The following ACSM5 variants were observed in gnomAD, a reference collection of about 807,000 sequenced individuals.
ACSM5 encodes acyl-coenzyme A synthetase ACSM5, mitochondrial.
A neutral mutation model predicts 71.6 loss-of-function variants in ACSM5; 56 were observed. That is an observed-to-expected ratio of 0.78 (90% CI 0.63 to 0.98). ACSM5 has a LOEUF of 0.98. Ranked by LOEUF, ACSM5 falls within the 50% of genes least tolerant of loss-of-function variation. The probability of loss-of-function intolerance (pLI) is 0.00; values close to 1 mark genes in which losing one functional copy is unlikely to be tolerated. For synonymous variants in ACSM5, 285 were observed against 281.5 expected (o/e 1.01, Z -0.12); for missense variants, 723 against 726.0 (o/e 1.00, Z 0.05).
intron 10 of ACSM5, among the ~76,000 whole-genome samples, chr16:20,436,262 C>T (rs376963302): frequency 3.4e-5 from 5 of 145,506 alleles, no homozygotes; most frequent in Non-Finnish European, 4.6e-5. Flanking sequence ...CCTCCCCTCC[C>T]GTCCCCTCCC....
At position 20,418,224 on chromosome 16, in the gene ACSM5, C is replaced by A. The variant is rs144548629; in HGVS notation, c.370C>A (p.Arg124=). The change falls in exon 3 of 14, where the codon CGG becomes AGG. Residue 124 remains arginine (R), a synonymous_variant. Transcript: ENST00000331849. ...GGACAGAATGATGCTGGTACTCCCA[C>A]GGCTCCCGGAGTGGTGGCTGGTCAG... ...PGDRMMLVLP[R]LPEWWLVSVA... The A allele has an allele frequency of 3.1e-6, 5 of 1,612,332 alleles. No individual in the cohort carries two copies. Among genetic ancestry groups the A allele is most frequent in the South Asian group, 2.2e-5 (2 of 90,984 alleles).
At chr16:20,432,665 T>C (rs961517811) in intron 10 of ACSM5, among the ~76,000 whole-genome samples, 2 of 152,092 alleles carry the variant, frequency 1.3e-5, no homozygotes, top group Non-Finnish European at 2.9e-5. Flanking sequence ...AGGACTCTGG[T>C]ACTTAGTGTG....
rs1286195722 is a variant in ACSM5, at chr16:20,421,373, T to C, written c.739T>C (p.Tyr247His). Residue 247 changes from tyrosine (Y) to histidine (H), a missense_variant, in exon 5 of 14, where the codon TAC (tyrosine) becomes CAC (histidine). By Grantham distance (83) the Tyr-to-His change is moderately conservative (BLOSUM62 2). Transcript: ENST00000331849. ...GATGGTCGAGCACTCCCAGAGCAGC[T>C]ACGGACTGGGTTTTGTGGCCAGCGG... ...PKMVEHSQSS[Y>H]GLGFVASGRR... 6 of 1,602,994 alleles carry C rather than the reference T, an allele frequency of 3.7e-6. No homozygotes were observed. The highest frequency in any genetic ancestry group is 4.3e-6 in the Non-Finnish European group (5 of 1,173,932).
At position 20,435,926 on chromosome 16, in the gene ACSM5, C is replaced by CTTTCT. The variant is rs1331926417; in HGVS notation, c.1309-1118_1309-1114dup. On this transcript the variant is annotated intron_variant, in intron 10 of 13. Transcript: ENST00000331849. ...TCTCCCACCCTCCCTTTCTTTCTTT[C>CTTTCT]TTTCTTTTCTTTCCTTCCTTCCTTC... Among the ~76,000 whole-genome samples the CTTTCT allele has an allele frequency of 1.9e-3, 273 of 140,184 alleles. 3 individuals carry two copies. The highest frequency in any genetic ancestry group is 6.9e-3 in the Middle Eastern group (2 of 290). 92.0% of individuals were successfully genotyped at this position (140,184 alleles called of 152,430 possible).
intron 12 of ACSM5, among the ~76,000 whole-genome samples, chr16:20,438,066 T>C (rs1967238404): frequency 6.6e-6 from 1 of 151,758 alleles, no homozygotes; most frequent in African/African-American, 2.4e-5. Flanking sequence ...TGACCTTAGG[T>C]GATCCACCCA....
intron 12 of ACSM5, among the ~76,000 whole-genome samples, chr16:20,439,367 C>G (rs1243989328): frequency 1.4e-4 from 21 of 147,410 alleles, no homozygotes; most frequent in Non-Finnish European, 2.5e-4. Flanking sequence ...CCCCAAAGAC[C>G]TAGTTCCCCT....
In ACSM5 at chr16:20,419,243, C is replaced by T. The variant is rs151015973; in HGVS notation, c.431C>T (p.Pro144Leu). Reference protein sequence around the residue: ...ACMRTGTVMIPGVTQLTEKDL... With the variant: ...ACMRTGTVMILGVTQLTEKDL... ...TTTATGCCAGGGACTGTGATGATTC[C>T]GGGTGTGACTCAGCTGACAGAGAAG... The change falls in exon 4 of 14, where the codon CCG becomes CTG. Residue 144 changes from proline (P) to leucine (L), a missense_variant. Pro to Leu is a moderately conservative substitution (Grantham distance 98). Transcript: ENST00000331849. 4.0e-5 allele frequency: 64 copies of T among 1,614,094 alleles called. No individual in the cohort carries two copies. Among genetic ancestry groups the T allele is most frequent in the South Asian group, 2.6e-4 (24 of 91,078 alleles).
intron 10 of ACSM5, among the ~76,000 whole-genome samples, chr16:20,435,029 C>A (rs1486149560): frequency 5.3e-5 from 8 of 151,996 alleles, no homozygotes; most frequent in Non-Finnish European, 8.8e-5. Context: ...TTAATTAAGT[C>A]TTTTTTGTTT....
intron 12 of ACSM5, 123 bp from the exon 13 acceptor site, chr16:20,439,677 A>G (rs112519008): frequency 5.6e-6 from 7 of 1,252,962 alleles, no homozygotes; most frequent in African/African-American, 1.5e-5. Context: ...GCTGTGCCCA[A>G]AAAAAACTAG....
chr16:20,438,822 G>T (rs561734886), intron 12 of ACSM5, among the ~76,000 whole-genome samples: 2 of 151,222 alleles, frequency 1.3e-5, no homozygotes, highest in African/African-American at 4.8e-5. Context: ...AGGCGTGGCG[G>T]TGGGCGCCTA....
At chr16:20,437,222 G>C (rs1967219850) in intron 11 of ACSM5, 43 bp downstream of exon 11, 2 of 1,614,154 alleles carry the variant, frequency 1.2e-6, no homozygotes, top group Non-Finnish European at 1.7e-6. Flanking sequence ...AAATTTCATG[G>C]GGGTTGAGGG....
At chr16:20,431,900 A>G (rs1168897411) in intron 10 of ACSM5, among the ~76,000 whole-genome samples, 1 of 151,742 alleles carries the variant, frequency 6.6e-6, no homozygotes, top group Non-Finnish European at 1.5e-5. Flanking sequence ...AGCCAGGATC[A>G]TTCCACTGCC....
intron 5 of ACSM5, among the ~76,000 whole-genome samples, chr16:20,423,398 T>A (rs1362130196): frequency 6.6e-6 from 1 of 152,264 alleles, no homozygotes; most frequent in Non-Finnish European, 1.5e-5. Flanking sequence ...TCTTTATGTC[T>A]AACTCAAGTG....
At chr16:20,427,293 C>T (rs1345081961) in intron 6 of ACSM5, among the ~76,000 whole-genome samples, 18 of 151,758 alleles carry the variant, frequency 1.2e-4, no homozygotes, top group Non-Finnish European at 2.4e-4. Flanking sequence ...GAGTGAGACT[C>T]CATCTCAAAA....
chr16:20,427,633 A>T (rs1449550864), intron 6 of ACSM5, among the ~76,000 whole-genome samples, 155 bp from the exon 7 acceptor site: 1 of 152,258 alleles, frequency 6.6e-6, no homozygotes, highest in Non-Finnish European at 1.5e-5. Context: ...GCCAGGAAGT[A>T]GGAGTCACTG....
At chr16:20,427,113 C>T (rs1966996031) in intron 6 of ACSM5, among the ~76,000 whole-genome samples, 1 of 151,796 alleles carries the variant, frequency 6.6e-6, no homozygotes, top group Non-Finnish European at 1.5e-5. Flanking sequence ...CCAGCCTGGC[C>T]AGGATGGTGA....
chr16:20,433,396 T>C (rs572189936), intron 10 of ACSM5, among the ~76,000 whole-genome samples: 2 of 152,326 alleles, frequency 1.3e-5, no homozygotes, highest in South Asian at 4.1e-4. Flanking sequence ...ATATCCCATA[T>C]AAGGAATGTG....
At chr16:20,434,466 G>A (rs992337813) in intron 10 of ACSM5, among the ~76,000 whole-genome samples, 1 of 152,186 alleles carries the variant, frequency 6.6e-6, no homozygotes, top group South Asian at 2.1e-4. Flanking sequence ...GGCCAAGGCT[G>A]GTGGATCACC....
chr16:20,427,832 C>G lies in ACSM5; in HGVS notation c.966C>G (p.Thr322=). ...TAACCACCCTCTGCTGTGTCCCAAC[C>G]ATCTTTCGGCTGCTTGTGCAGGAGG... ...FPITTLCCVP[T]IFRLLVQEDL... The change falls in exon 7 of 14, where the codon ACC becomes ACG. Residue 322 remains threonine, a synonymous_variant. Coordinates refer to ENST00000331849, the MANE Select transcript of ACSM5 (RefSeq NM_017888.3). 1 of 1,614,044 alleles carries G rather than the reference C, an allele frequency of 6.2e-7. No homozygotes were observed. The highest frequency in any genetic ancestry group is 8.5e-7 in the Non-Finnish European group (1 of 1,179,950).
Sources: allele counts gnomAD v4.1 joint callset (sites outside exome capture counted in the v4.1 genomes callset), GRCh38; gene constraint gnomAD v4.1.1; transcripts MANE v1.5; gene names NCBI Gene and HGNC (gene_info 2026-07-23, HGNC 2026-07-21).